CYTH4: variants seen among roughly 807,000 people sequenced by gnomAD.
The protein encoded by CYTH4 is cytohesin-4.
CYTH4 carries 22 observed loss-of-function variants against 57.5 expected under a neutral mutation model. That is an observed-to-expected ratio of 0.38 (90% CI 0.27 to 0.55). The LOEUF is 0.55. Among genes scored for constraint, CYTH4 ranks in the 20% least tolerant of loss-of-function variants. The pLI, the probability that CYTH4 is intolerant of heterozygous loss-of-function variation, is 0.74. For synonymous variants in CYTH4, 186 were observed against 206.5 expected, an observed-to-expected ratio of 0.90 and a Z score of 0.85; for missense variants, 420 against 535.6, an observed-to-expected ratio of 0.78 and a Z score of 2.13.
At chr22:37,310,082 TC>T in intron 9 of CYTH4, 1 of 453,446 alleles carries the variant, frequency 2.2e-6, no homozygotes, top group Non-Finnish European at 4.6e-6. Context: ...CTGGCTCACC[TC>T]CAGCAACATT....
At chr22:37,308,543 T>TGTGTGTAAGTGTGC (rs1929494942) in intron 8 of CYTH4, among the ~76,000 whole-genome samples, 1 of 149,002 alleles carries the variant, frequency 6.7e-6, no homozygotes, top group Admixed American at 6.6e-5. Context: ...AGTGTGTGTA[T>TGTGTGTAAGTGTGC]GTGTGTAAGT....
At chr22:37,309,425 C>T (rs774099544) in intron 9 of CYTH4, 102 bp downstream of exon 9, 6 of 1,038,452 alleles carry the variant, frequency 5.8e-6, no homozygotes, top group Admixed American at 1.9e-5. Flanking sequence ...CCAGCTGACA[C>T]GAGGCTCACA....
chr22:37,308,114 A>C (rs1929467606), intron 8 of CYTH4, among the ~76,000 whole-genome samples: 1 of 152,170 alleles, frequency 6.6e-6, no homozygotes, highest in Non-Finnish European at 1.5e-5. Context: ...CACAGCCAGC[A>C]TCCCACCCTG....
At chr22:37,290,127 G>A (rs563553780) in intron 1 of CYTH4, among the ~76,000 whole-genome samples, 1 of 152,274 alleles carries the variant, frequency 6.6e-6, no homozygotes, top group East Asian at 1.9e-4. Flanking sequence ...CTGTAGGCCA[G>A]GAAAGTGGCC....
In CYTH4 at chr22:37,295,979, T is replaced by C; in HGVS notation, c.168-20T>C. 1 of 1,609,872 alleles carries C rather than the reference T, an allele frequency of 6.2e-7. No individual in the cohort carries two copies. Among genetic ancestry groups the C allele is most frequent in the Non-Finnish European group, 8.5e-7 (1 of 1,177,848 alleles). On this transcript the variant is annotated intron_variant, in intron 3 of 12. Transcript: ENST00000248901. This position sits in a 1 kb window ranked among gnomAD's most constrained non-coding sequence, Gnocchi z 4.1. ...TTCAGGGTCCTGGGGCAGCCCAAGC[T>C]GACGTCCTCATGTCCACAGCCGGAT...
chr22:37,303,634 G>C (rs1374832959), intron 8 of CYTH4, among the ~76,000 whole-genome samples: 2 of 152,218 alleles, frequency 1.3e-5, no homozygotes, highest in African/African-American at 4.8e-5. Context: ...GTCCGAGATA[G>C]ACCACCCAGG....
rs929068278 is a variant in CYTH4, at chr22:37,311,311, C to T, written c.886-145C>T. On this transcript the variant is annotated intron_variant, in intron 10 of 12. Coordinates refer to ENST00000248901, the MANE Select transcript of CYTH4 (RefSeq NM_013385.5). The surrounding 1 kb of genome is among the most constrained non-coding windows in gnomAD (Gnocchi z 4.4). ...GGCCAGAGGTCTTCACATGCTGCTTCTAACTTCCGTCCCCCTATGACTGGA... is the reference window on the plus strand; with the variant it reads ...GGCCAGAGGTCTTCACATGCTGCTTTTAACTTCCGTCCCCCTATGACTGGA... 12 of 800,824 alleles carry T rather than the reference C, an allele frequency of 1.5e-5. No individual in the cohort carries two copies. The Admixed American group carries it at 2.6e-4, about 18-fold the overall frequency. 49.6% of individuals were successfully genotyped at this position (800,824 alleles called of 1,614,324 possible).
At chr22:37,310,421 T>C (rs1357271236) in intron 9 of CYTH4, among the ~76,000 whole-genome samples, 1 of 152,114 alleles carries the variant, frequency 6.6e-6, no homozygotes, top group Admixed American at 6.5e-5. Flanking sequence ...GGGTTAAATG[T>C]GCGGCAAAAT....
chr22:37,308,726 A>G (rs547793154), intron 8 of CYTH4, among the ~76,000 whole-genome samples: 3 of 144,114 alleles, frequency 2.1e-5, no homozygotes, highest in African/African-American at 7.8e-5. Context: ...GTGTGCGTGT[A>G]TGTATGAGTA....
Position 37,298,743 on chromosome 22 carries a change from C to G in CYTH4, c.354-483C>G, listed in dbSNP as rs1213679461. Among the ~76,000 whole-genome samples the G allele has an allele frequency of 6.6e-6, 1 of 152,080 alleles. No individual in the cohort carries two copies. The highest frequency in any genetic ancestry group is 1.5e-5 in the Non-Finnish European group (1 of 68,006). ...ACCAGAGAGTCAACAGCCCTCTCCC[C>G]AGCTCCCAAGGACACCCCTCCCTCC... On this transcript the variant is annotated intron_variant, in intron 5 of 12. Coordinates refer to ENST00000248901, the MANE Select transcript of CYTH4 (RefSeq NM_013385.5). The surrounding 1 kb of genome is among the most constrained non-coding windows in gnomAD (Gnocchi z 4.1).
Position 37,311,686 on chromosome 22 carries a change from C to T in CYTH4, c.957+159C>T. 1 of 747,692 alleles carries T rather than the reference C, an allele frequency of 1.3e-6. No individual in the cohort carries two copies. The highest frequency in any genetic ancestry group is 1.6e-5 in the South Asian group (1 of 61,074). The allele number at this position is 747,692 out of a possible 1,614,324, so 46.3% of individuals were successfully genotyped here. ...GGCTGCCTTCTCTCCCTCCTGGGGCCATGGACAGTGAGAAAAGGTCAATGT... is the reference window on the plus strand; with the variant it reads ...GGCTGCCTTCTCTCCCTCCTGGGGCTATGGACAGTGAGAAAAGGTCAATGT... On this transcript the variant is annotated intron_variant, in intron 11 of 12. Coordinates refer to ENST00000248901, the MANE Select transcript of CYTH4 (RefSeq NM_013385.5). The surrounding 1 kb of genome is among the most constrained non-coding windows in gnomAD (Gnocchi z 4.4).
intron 1 of CYTH4, among the ~76,000 whole-genome samples, chr22:37,291,828 G>A (rs1601698544): frequency 6.6e-6 from 1 of 152,222 alleles, no homozygotes; most frequent in African/African-American, 2.4e-5. Context: ...ACCTTGCATA[G>A]AATGCCGCAC....
rs140901499 is a variant in CYTH4, at chr22:37,300,937, C to G, written c.465C>G (p.Gly155=). 6.2e-7 allele frequency: 1 copy of G among 1,614,192 alleles called. No homozygotes were observed. The highest frequency in any genetic ancestry group is 1.1e-5 in the South Asian group (1 of 91,088). Reference sequence around the variant, plus strand: ...TCCTGTGGAGCTTCCGGCTGCCGGGCGAGGCCCAGAAGATAGACCGGATGA... The same window carrying G: ...TCCTGTGGAGCTTCCGGCTGCCGGGGGAGGCCCAGAAGATAGACCGGATGA... ...RQFLWSFRLP[G]EAQKIDRMME... Residue 155 remains glycine (G), a synonymous_variant, in exon 7 of 13, where the codon GGC becomes GGG. Coordinates refer to ENST00000248901, the MANE Select transcript of CYTH4 (RefSeq NM_013385.5).
Position 37,311,634 on chromosome 22 carries a change from GC to G in CYTH4, c.957+111del. On this transcript the variant is annotated intron_variant, in intron 11 of 12. Transcript: ENST00000248901. The surrounding 1 kb of genome is among the most constrained non-coding windows in gnomAD (Gnocchi z 4.4). ...TGGGCTCTCCAGGAAGCCAGGCTGT[GC>G]CCCTTACACCTTCCCTGTGGCTCAG... The G allele has an allele frequency of 8.7e-7, 1 of 1,149,198 alleles. No homozygotes were observed. The highest frequency in any genetic ancestry group is 1.3e-6 in the Non-Finnish European group (1 of 775,212). The allele number at this position is 1,149,198 out of a possible 1,614,324, so 71.2% of individuals were successfully genotyped here.
intron 8 of CYTH4, among the ~76,000 whole-genome samples, chr22:37,308,673 C>T (rs1368524188): frequency 2.1e-5 from 3 of 143,000 alleles, no homozygotes; most frequent in Non-Finnish European, 3.1e-5. Context: ...TGTGAGCGTG[C>T]TTGCATGTGT....
chr22:37,310,585 TTAATAAG>T lies in CYTH4; in HGVS notation c.809-397_809-391del, dbSNP rs1196271082. On this transcript the variant is annotated intron_variant, in intron 9 of 12. Transcript: ENST00000248901. ...TCCTCTTCATACGTGGTTGTGAGGA[TTAATAAG>T]TAATATTTTTTGAAACCTCTAGAGC... Among the ~76,000 whole-genome samples the T allele has an allele frequency of 2.6e-5, 4 of 152,214 alleles. No individual in the cohort carries two copies. In the South Asian group the frequency reaches 8.3e-4, roughly 32 times the overall value.
intron 1 of CYTH4, among the ~76,000 whole-genome samples, chr22:37,284,030 G>A (rs561947600): frequency 6.6e-6 from 1 of 152,306 alleles, no homozygotes; most frequent in East Asian, 1.9e-4. Context: ...AGGTGAACTA[G>A]AGACGGGGAC....
rs1929645682 is a variant in CYTH4, at chr22:37,311,574, T to C, written c.957+47T>C. 6.3e-7 allele frequency: 1 copy of C among 1,587,852 alleles called. No individual in the cohort carries two copies. The highest frequency in any genetic ancestry group is 8.6e-7 in the Non-Finnish European group (1 of 1,157,726). ...TCCCGAGGCTGGAGCCACTGGGAAA[T>C]TTCCTAAACAGAACGTGGGGAGAGG... On this transcript the variant is annotated intron_variant, in intron 11 of 12. Transcript: ENST00000248901. The surrounding 1 kb of genome is among the most constrained non-coding windows in gnomAD (Gnocchi z 4.4).
chr22:37,288,039 G>T (rs367818618), intron 1 of CYTH4, among the ~76,000 whole-genome samples: 3 of 152,130 alleles, frequency 2.0e-5, no homozygotes, highest in Non-Finnish European at 4.4e-5. Context: ...AGGACTTTGG[G>T]AGGCCAAGGC....
Sources: gnomAD v4.1 joint callset for allele counts (sites outside exome capture counted in the v4.1 genomes callset) on GRCh38, gnomAD v4.1.1 for gene constraint, Gnocchi (gnomAD v3.1) non-coding constraint, MANE v1.5 for transcripts, NCBI Gene and HGNC (gene_info 2026-07-23, HGNC 2026-07-21) for gene names.